MAML2: variants seen among roughly 807,000 people sequenced by gnomAD.
MAML2 encodes mastermind-like protein 2.
MAML2 carries 22 observed loss-of-function variants against 96.1 expected under a neutral mutation model. The ratio of observed to expected loss-of-function variants is 0.23; its 90% CI spans 0.16 to 0.33. The LOEUF (loss-of-function observed/expected upper bound fraction) is 0.33. Among genes scored for constraint, MAML2 ranks in the 10% least tolerant of loss-of-function variants. The pLI, the probability that MAML2 is intolerant of heterozygous loss-of-function variation, is 1.00. For missense variants in MAML2, 1,367 were observed against 1,392.4 expected, an observed-to-expected ratio of 0.98 and a Z score of 0.29; for synonymous variants, 561 against 521.3, an observed-to-expected ratio of 1.08 and a Z score of -1.04.
intron 1 of MAML2, among the ~76,000 whole-genome samples, chr11:96,309,983 G>C (rs1397048388): frequency 1.3e-5 from 2 of 152,044 alleles, no homozygotes; most frequent in African/African-American, 2.4e-5. Context: ...GATTACAGGT[G>C]TGAGCCACCA....
intron 1 of MAML2, among the ~76,000 whole-genome samples, chr11:96,139,483 A>T (rs1034609406): frequency 6.6e-6 from 1 of 152,034 alleles, no homozygotes; most frequent in Admixed American, 6.5e-5. Flanking sequence ...TCTTAAAAAA[A>T]AAAAAAAGAC....
intron 1 of MAML2, among the ~76,000 whole-genome samples, chr11:96,289,354 AC>A (rs1179630727): frequency 6.6e-6 from 1 of 152,138 alleles, no homozygotes; most frequent in Non-Finnish European, 1.5e-5. Context: ...CAATAGGCAG[AC>A]TCTTATTGTC....
At chr11:96,313,541 A>T (rs1294312486) in intron 1 of MAML2, among the ~76,000 whole-genome samples, 1 of 152,050 alleles carries the variant, frequency 6.6e-6, no homozygotes, top group East Asian at 1.9e-4. Context: ...AAATTGCCCC[A>T]TTCTTCAAAC....
At chr11:96,316,110 C>T (rs1262518874) in intron 1 of MAML2, among the ~76,000 whole-genome samples, 1 of 152,160 alleles carries the variant, frequency 6.6e-6, no homozygotes, top group Admixed American at 6.5e-5. Context: ...TTGTAATATC[C>T]TTCCACTTAA....
chr11:96,260,230 T>C (rs765953349), intron 1 of MAML2, among the ~76,000 whole-genome samples: 16 of 151,594 alleles, frequency 1.1e-4, no homozygotes, highest in Non-Finnish European at 1.3e-4. Context: ...TCTAGAAGGA[T>C]GGTGGTAGAG....
chr11:96,140,716 A>G (rs1860716437), intron 1 of MAML2, among the ~76,000 whole-genome samples: 1 of 152,192 alleles, frequency 6.6e-6, no homozygotes, highest in Non-Finnish European at 1.5e-5. Context: ...TCTACATGAC[A>G]GATACCTCCA....
chr11:96,032,000 T>A (rs1035564849), intron 2 of MAML2, among the ~76,000 whole-genome samples: 4 of 151,512 alleles, frequency 2.6e-5, no homozygotes, highest in Non-Finnish European at 4.4e-5. Flanking sequence ...TTAAAAAAAA[T>A]AAAAATAAAT....
At chr11:96,058,193 T>C (rs1055378141) in intron 2 of MAML2, among the ~76,000 whole-genome samples, 2 of 152,378 alleles carry the variant, frequency 1.3e-5, no homozygotes, top group African/African-American at 2.4e-5. Flanking sequence ...GGGGATACCA[T>C]GCCTTCTGGC....
In MAML2 at chr11:96,312,704, T is replaced by C. The variant is rs113063640; in HGVS notation, c.513+28679A>G. On this transcript the variant is annotated intron_variant, in intron 1 of 4. Coordinates refer to ENST00000524717, the MANE Select transcript of MAML2 (RefSeq NM_032427.4). ...CATTACATAAAATTTACCATTTTAA[T>C]CATTTGTAAGTGTACAAGTCTGTGG... 6.3e-3 allele frequency among the ~76,000 whole-genome samples: 963 copies of C among 152,334 alleles called. 3 individuals carry two copies. Among genetic ancestry groups the C allele is most frequent in the Non-Finnish European group, 0.011 (715 of 68,018 alleles).
intron 2 of MAML2, among the ~76,000 whole-genome samples, chr11:96,038,899 G>A (rs1401013761): frequency 6.6e-6 from 1 of 152,060 alleles, no homozygotes; most frequent in Non-Finnish European, 1.5e-5. Context: ...ATAGTATGTG[G>A]CATTTAGTAG....
chr11:96,220,723 A>G (rs1285901799), intron 1 of MAML2, among the ~76,000 whole-genome samples: 1 of 152,150 alleles, frequency 6.6e-6, no homozygotes, highest in Non-Finnish European at 1.5e-5. Flanking sequence ...AAAAAGTACA[A>G]TTTCCTTAAC....
At chr11:96,074,575 T>C (rs1024565379) in intron 2 of MAML2, among the ~76,000 whole-genome samples, 1 of 152,248 alleles carries the variant, frequency 6.6e-6, no homozygotes, top group South Asian at 2.1e-4. Context: ...CAGATGACGA[T>C]GGCGGCGCAA....
At chr11:96,232,766 C>T (rs1862315220) in intron 1 of MAML2, among the ~76,000 whole-genome samples, 1 of 152,174 alleles carries the variant, frequency 6.6e-6, no homozygotes, top group South Asian at 2.1e-4. Context: ...GCCACCGCGC[C>T]CGGCCAAGGA....
chr11:96,063,331 G>C (rs1859196829), intron 2 of MAML2, among the ~76,000 whole-genome samples: 1 of 152,144 alleles, frequency 6.6e-6, no homozygotes, highest in South Asian at 2.1e-4. Flanking sequence ...CTCAGTATTG[G>C]TTTTCCCAGC....
intron 2 of MAML2, among the ~76,000 whole-genome samples, chr11:96,040,215 T>G (rs1858786359): frequency 6.6e-6 from 1 of 152,148 alleles, no homozygotes; most frequent in Admixed American, 6.5e-5. Context: ...TCATAGAACT[T>G]ACATCTAATG....
At chr11:96,047,935 GA>G (rs1858932257) in intron 2 of MAML2, among the ~76,000 whole-genome samples, 1 of 120,678 alleles carries the variant, frequency 8.3e-6, no homozygotes, top group African/African-American at 3.0e-5. Flanking sequence ...AAAAAAAAAA[GA>G]AAAAAGAGAG....
At chr11:96,250,306 T>C (rs1366559137) in intron 1 of MAML2, among the ~76,000 whole-genome samples, 2 of 152,106 alleles carry the variant, frequency 1.3e-5, no homozygotes, top group Non-Finnish European at 1.5e-5. Context: ...TACATATTCA[T>C]GAGGTACATA....
intron 2 of MAML2, among the ~76,000 whole-genome samples, chr11:96,054,543 C>T (rs1009248952): frequency 2.0e-5 from 3 of 151,940 alleles, no homozygotes; most frequent in African/African-American, 7.3e-5. Flanking sequence ...GGGAGTGTGA[C>T]GGTGTTAAGT....
chr11:96,302,841 T>C (rs1006629197), intron 1 of MAML2, among the ~76,000 whole-genome samples: 2 of 152,170 alleles, frequency 1.3e-5, no homozygotes, highest in African/African-American at 2.4e-5. Flanking sequence ...ACGCTCCAGG[T>C]TTTTCATAAT....
Sources: allele counts gnomAD v4.1 joint callset (sites outside exome capture counted in the v4.1 genomes callset), GRCh38; gene constraint gnomAD v4.1.1; transcripts MANE v1.5; gene names NCBI Gene and HGNC (gene_info 2026-07-23, HGNC 2026-07-21).